Variants in DCLK2 observed in about 807,000 individuals in gnomAD.
DCLK2 encodes the protein doublecortin like kinase 2.
In DCLK2, 31 loss-of-function variants were observed where a neutral mutation model predicts 78.4. That is an observed-to-expected ratio of 0.40 (90% CI 0.30 to 0.53). The LOEUF (loss-of-function observed/expected upper bound fraction) is 0.53, where lower values mean the gene tolerates loss of function less well. DCLK2 is among the 20% of genes least tolerant of loss of function. The pLI, the probability that DCLK2 is intolerant of heterozygous loss-of-function variation, is 0.61. For synonymous variants in DCLK2, 407 were observed against 374.9 expected, an observed-to-expected ratio of 1.09 and a Z score of -0.99; for missense variants, 872 against 973.7, an observed-to-expected ratio of 0.90 and a Z score of 1.39.
intron 3 of DCLK2, 72 bp from the exon 4 acceptor site, chr4:150,197,930 C>A: frequency 8.1e-7 from 1 of 1,232,716 alleles, no homozygotes; most frequent in Non-Finnish European, 1.2e-6. Flanking sequence ...GGTCAGTAAA[C>A]AATTACATGT....
At chr4:150,115,322 C>T (rs1731998361) in intron 2 of DCLK2, among the ~76,000 whole-genome samples, 2 of 151,768 alleles carry the variant, frequency 1.3e-5, no homozygotes, top group African/African-American at 2.4e-5. Context: ...TCTCTTGTAT[C>T]TCCTTGTGTA....
intron 5 of DCLK2, among the ~76,000 whole-genome samples, chr4:150,214,980 A>T (rs1454108031): frequency 2.0e-5 from 3 of 151,620 alleles, no homozygotes; most frequent in Non-Finnish European, 4.4e-5. Flanking sequence ...AAAGAAAGAA[A>T]ATGTTTCTGA....
intron 2 of DCLK2, among the ~76,000 whole-genome samples, chr4:150,170,976 G>A (rs1163985900): frequency 2.0e-5 from 3 of 152,034 alleles, no homozygotes; most frequent in African/African-American, 7.2e-5. Flanking sequence ...TTGCACTTTC[G>A]CTTCTGCAGT....
chr4:150,141,746 A>G (rs1242678615), intron 2 of DCLK2, among the ~76,000 whole-genome samples: 3 of 152,236 alleles, frequency 2.0e-5, no homozygotes, highest in African/African-American at 4.8e-5. Context: ...ATGTGATTCC[A>G]GAGCAAATGT....
chr4:150,256,497 TC>T lies in DCLK2; in HGVS notation c.*251del. The T allele has an allele frequency of 2.2e-6, 1 of 458,274 alleles. No individual in the cohort carries two copies. Among genetic ancestry groups the T allele is most frequent in the Non-Finnish European group, 3.8e-6 (1 of 263,748 alleles). 28.4% of individuals were successfully genotyped at this position (458,274 alleles called of 1,614,324 possible). On this transcript the variant is annotated 3_prime_UTR_variant, in exon 16 of 16. Coordinates refer to ENST00000296550, the MANE Select transcript of DCLK2 (RefSeq NM_001040260.4). ...TCTGCCAACAGCTGTTCGGAGAGAC[TC>T]GTTCCAGATCATCCCGTCATTTTCA...
chr4:150,204,042 A>G (rs1398967180), intron 5 of DCLK2, among the ~76,000 whole-genome samples, 153 bp downstream of exon 5: 1 of 152,196 alleles, frequency 6.6e-6, no homozygotes, highest in East Asian at 1.9e-4. Flanking sequence ...AATCCTGTGT[A>G]CTGCTGTAAT....
At chr4:150,223,743 CAATAAATAAATA>C (rs59076501) in intron 7 of DCLK2, among the ~76,000 whole-genome samples, 21 of 146,962 alleles carry the variant, frequency 1.4e-4, no homozygotes, top group African/African-American at 4.5e-4. Context: ...GACTCTCTCT[CAATAAATAAATA>C]AATAAATAAA....
intron 2 of DCLK2, among the ~76,000 whole-genome samples, chr4:150,123,824 T>C (rs993969947): frequency 6.6e-6 from 1 of 152,124 alleles, no homozygotes; most frequent in Non-Finnish European, 1.5e-5. Context: ...GGAAGAGTGC[T>C]TGAGCCCAGG....
intron 4 of DCLK2, among the ~76,000 whole-genome samples, 165 bp downstream of exon 4, chr4:150,198,268 C>T (rs1440531728): frequency 6.6e-6 from 1 of 152,126 alleles, no homozygotes; most frequent in Admixed American, 6.5e-5. Flanking sequence ...AGTCTGTTTC[C>T]CCAGTTACAA....
At chr4:150,243,757 G>T (rs1320152092) in intron 12 of DCLK2, among the ~76,000 whole-genome samples, 1 of 148,454 alleles carries the variant, frequency 6.7e-6, no homozygotes, top group East Asian at 2.0e-4. Context: ...GCAGGATCTT[G>T]CTCTGTCACC....
At chr4:150,085,432 A>G (rs997350511) in intron 1 of DCLK2, among the ~76,000 whole-genome samples, 1 of 152,200 alleles carries the variant, frequency 6.6e-6, no homozygotes, top group African/African-American at 2.4e-5. Context: ...TAGGATATAT[A>G]GAGAGGAAAT....
chr4:150,195,345 ATAT>A lies in DCLK2; in HGVS notation c.859+2109_859+2111del, dbSNP rs374255746. ...TATTATATATTATATATATTATATA[ATAT>A]TATATATTATATATATTATATAATA... is the stretch of plus-strand genomic sequence containing the variant. On this transcript the variant is annotated intron_variant, in intron 3 of 15. Transcript: ENST00000296550. 1.6e-3 allele frequency among the ~76,000 whole-genome samples: 7 copies of A among 4,366 alleles called. 3 individuals carry two copies. Among genetic ancestry groups the A allele is most frequent in the African/African-American group, 4.6e-3 (7 of 1,532 alleles). The allele number at this position is 4,366 out of a possible 152,430, so 2.9% of individuals were successfully genotyped here. A position where few individuals can be genotyped will look rare whatever the true frequency, so the allele number is the denominator to read the frequency against.
chr4:150,249,868 G>A (rs1424514129), intron 15 of DCLK2, among the ~76,000 whole-genome samples, 184 bp downstream of exon 15: 2 of 152,206 alleles, frequency 1.3e-5, no homozygotes, highest in Admixed American at 6.5e-5. Context: ...ACTGTGTGGA[G>A]GGGCTTGTGT....
chr4:150,215,599 C>G (rs1012109186), intron 5 of DCLK2, among the ~76,000 whole-genome samples: 1 of 152,196 alleles, frequency 6.6e-6, no homozygotes, highest in Non-Finnish European at 1.5e-5. Context: ...GCTTCCATGG[C>G]CTCCCTGGGC....
At chr4:150,106,375 A>G (rs533729455) in intron 2 of DCLK2, among the ~76,000 whole-genome samples, 36 of 152,294 alleles carry the variant, frequency 2.4e-4, no homozygotes, top group Non-Finnish European at 4.7e-4. Flanking sequence ...GATCTTGGCC[A>G]AAAGGCCAAG....
chr4:150,178,637 A>G (rs563578544), intron 2 of DCLK2, among the ~76,000 whole-genome samples: 52 of 152,356 alleles, frequency 3.4e-4, no homozygotes, highest in African/African-American at 1.2e-3. Context: ...ACAAACCAAA[A>G]TCTTGTTTGC....
At position 150,078,872 on chromosome 4, in the gene DCLK2, G is replaced by GCGGCTCCTCCA. The variant is rs1729011786; in HGVS notation, c.-147_-146insCACGGCTCCTC. Reference sequence around the variant, plus strand: ...AGGGCGCGGGCGGGTCGGCTCCTCCGCGGCTCCTCGGCCCCACCTGCGCGG... The same window carrying GCGGCTCCTCCA: ...AGGGCGCGGGCGGGTCGGCTCCTCCGCGGCTCCTCCACGGCTCCTCGGCCCCACCTGCGCGG... On this transcript the variant is annotated 5_prime_UTR_variant, in exon 1 of 16. Coordinates refer to ENST00000296550, the MANE Select transcript of DCLK2 (RefSeq NM_001040260.4). The GCGGCTCCTCCA allele has an allele frequency of 1.0e-6, 1 of 991,468 alleles. No homozygotes were observed. The highest frequency in any genetic ancestry group is 1.7e-5 in the African/African-American group (1 of 58,240). 61.4% of individuals were successfully genotyped at this position (991,468 alleles called of 1,614,324 possible).
chr4:150,240,327 C>T (rs1742821702), intron 11 of DCLK2, 72 bp from the exon 12 acceptor site: 1 of 1,232,644 alleles, frequency 8.1e-7, no homozygotes, highest in Non-Finnish European at 1.2e-6. Context: ...CAAATAAAGG[C>T]AATACTCCAG....
intron 5 of DCLK2, among the ~76,000 whole-genome samples, chr4:150,218,598 C>G (rs1560880292): frequency 6.6e-6 from 1 of 152,188 alleles, no homozygotes; most frequent in South Asian, 2.1e-4. Flanking sequence ...GTCTTAGGAC[C>G]TCAGCTGTGA....
Sources: gnomAD v4.1 joint callset for allele counts (sites outside exome capture counted in the v4.1 genomes callset) on GRCh38, gnomAD v4.1.1 for gene constraint, MANE v1.5 for transcripts, NCBI Gene and HGNC (gene_info 2026-07-23, HGNC 2026-07-21) for gene names.